ARHGAP29: variants seen among roughly 807,000 people sequenced by gnomAD.
The protein encoded by ARHGAP29 is Rho GTPase activating protein 29, also known as rho GTPase-activating protein 29.
In ARHGAP29, 43 loss-of-function variants were observed where a neutral mutation model predicts 122.6. The observed-to-expected ratio is 0.35, with a 90% CI of 0.27 to 0.45. The LOEUF (loss-of-function observed/expected upper bound fraction) is 0.45, where lower values mean the gene tolerates loss of function less well. ARHGAP29 is among the 20% of genes least tolerant of loss of function. ARHGAP29 has a pLI of 1.00. For missense variants in ARHGAP29, 1,303 were observed against 1,477.2 expected (o/e 0.88, Z 1.93); for synonymous variants, 506 against 497.1 (o/e 1.02, Z -0.24).
chr1:94,248,227 A>G (rs890447356), intron 1 of ARHGAP29: 4 of 152,238 alleles, frequency 2.6e-5, no homozygotes, highest in African/African-American at 7.2e-5. Context: ...TACTCAAAAC[A>G]TCAGCTATTA....
At chr1:94,271,482 C>A (rs372459816) in intron 1 of ARHGAP29, among the ~76,000 whole-genome samples, 8 of 152,128 alleles carry the variant, frequency 5.3e-5, no homozygotes, top group South Asian at 2.1e-4. Flanking sequence ...TCTATTGCTT[C>A]ATTTTTGTTT....
intron 1 of ARHGAP29, 64 bp downstream of exon 1, chr1:94,237,351 G>A (rs951313167): frequency 2.8e-5 from 27 of 971,872 alleles, no homozygotes; most frequent in African/African-American, 2.1e-4. Context: ...GCGCTCGCGC[G>A]GGCAACCCCA....
At chr1:94,196,256 CTTTTTTTTTTT>C (rs917635883) in intron 12 of ARHGAP29, among the ~76,000 whole-genome samples, 12 of 91,148 alleles carry the variant, frequency 1.3e-4, no homozygotes, top group Non-Finnish European at 2.1e-4. Flanking sequence ...CCGTGTTTTT[CTTTTTTTTTTT>C]TTTTTTTTTT....
chr1:94,251,128 A>C (rs1654066336), intron 1 of ARHGAP29, among the ~76,000 whole-genome samples: 1 of 151,600 alleles, frequency 6.6e-6, no homozygotes, highest in Admixed American at 6.6e-5. Flanking sequence ...TTCATAAATT[A>C]TTCAGTCCTC....
upstream of ARHGAP29, among the ~76,000 whole-genome samples, chr1:94,279,431 G>A (rs1390075123): frequency 2.0e-5 from 3 of 152,138 alleles, no homozygotes; most frequent in African/African-American, 7.2e-5. Flanking sequence ...TGACTCCCAA[G>A]AGGTGGCACT....
At chr1:94,206,990 G>A (rs1249226426) in intron 5 of ARHGAP29, among the ~76,000 whole-genome samples, 2 of 148,014 alleles carry the variant, frequency 1.4e-5, no homozygotes, top group East Asian at 4.0e-4. Context: ...GAGAGAGAGA[G>A]AAGGAGCAAC....
chr1:94,292,420 G>A, the ARHGAP29 span, among the ~76,000 whole-genome samples: 21 of 152,266 alleles, frequency 1.4e-4, no homozygotes, highest in East Asian at 3.9e-3. Flanking sequence ...GCTCGGAGAA[G>A]TTTGTTATTA....
intron 3 of ARHGAP29, among the ~76,000 whole-genome samples, chr1:94,215,442 T>C (rs1414411575): frequency 6.6e-6 from 1 of 151,748 alleles, no homozygotes; most frequent in Non-Finnish European, 1.5e-5. Context: ...ATAAAAACTA[T>C]AATAAAAACA....
chr1:94,229,686 C>T (rs906894652), intron 2 of ARHGAP29, among the ~76,000 whole-genome samples: 2 of 151,006 alleles, frequency 1.3e-5, no homozygotes, highest in Non-Finnish European at 3.0e-5. Context: ...TATGTATTTC[C>T]ATACATATCC....
chr1:94,214,456 T>C (rs1289719999), intron 3 of ARHGAP29, among the ~76,000 whole-genome samples: 1 of 152,200 alleles, frequency 6.6e-6, no homozygotes, highest in Non-Finnish European at 1.5e-5. Context: ...GCATTTCTAA[T>C]AGGCTGATAT....
chr1:94,216,672 T>C (rs1651971250), intron 3 of ARHGAP29, among the ~76,000 whole-genome samples: 2 of 152,216 alleles, frequency 1.3e-5, no homozygotes, highest in Admixed American at 6.5e-5. Flanking sequence ...CTTTTTTGTT[T>C]ACCAATTTTT....
In ARHGAP29 at chr1:94,170,685, T is replaced by C. The variant is rs748112796; in HGVS notation, c.*3184A>G. 1.3e-5 allele frequency among the ~76,000 whole-genome samples: 2 copies of C among 152,210 alleles called. No individual in the cohort carries two copies. The highest frequency in any genetic ancestry group is 2.9e-5 in the Non-Finnish European group (2 of 68,036). ...AAAAAATATTTTGGTTGGGATTACA[T>C]TGAATCTACAAATGTAAATGAACAT... On this transcript the variant is annotated 3_prime_UTR_variant, in exon 23 of 23. Coordinates refer to ENST00000260526, the MANE Select transcript of ARHGAP29 (RefSeq NM_004815.4).
intron 1 of ARHGAP29, among the ~76,000 whole-genome samples, chr1:94,251,600 G>A (rs920382744): frequency 5.9e-5 from 9 of 152,266 alleles, no homozygotes; most frequent in East Asian, 5.8e-4. Flanking sequence ...CTACCTCTGC[G>A]TCTCTGTCCT....
At chr1:94,243,809 A>C (rs1355007700) in intron 1 of ARHGAP29, among the ~76,000 whole-genome samples, 2 of 152,106 alleles carry the variant, frequency 1.3e-5, no homozygotes, top group African/African-American at 4.8e-5. Flanking sequence ...GAAATAGAGA[A>C]AACACAAATC....
chr1:94,294,109 T>A, the ARHGAP29 span, among the ~76,000 whole-genome samples: 3 of 152,172 alleles, frequency 2.0e-5, no homozygotes, highest in Non-Finnish European at 2.9e-5. Context: ...AGACCAAATA[T>A]ATGTTTCACA....
chr1:94,256,896 T>C (rs145786171), intron 1 of ARHGAP29, among the ~76,000 whole-genome samples: 1 of 152,270 alleles, frequency 6.6e-6, no homozygotes, highest in East Asian at 1.9e-4. Flanking sequence ...GTTTACTTTT[T>C]ATTTTACTTC....
At chr1:94,208,721 A>C in intron 5 of ARHGAP29, 111 bp downstream of exon 5, 1 of 1,030,204 alleles carries the variant, frequency 9.7e-7, no homozygotes, top group Admixed American at 1.9e-5. Flanking sequence ...CGGCCTCCCA[A>C]AGTGCTGGGA....
chr1:94,289,120 A>C, the ARHGAP29 span, among the ~76,000 whole-genome samples: 1 of 152,332 alleles, frequency 6.6e-6, no homozygotes, highest in East Asian at 1.9e-4. Context: ...CCTATCCATG[A>C]GTATGGAATG....
intron 15 of ARHGAP29, among the ~76,000 whole-genome samples, chr1:94,187,664 T>A (rs540862558): frequency 6.6e-6 from 1 of 152,276 alleles, no homozygotes; most frequent in Middle Eastern, 3.4e-3. Flanking sequence ...CACCCATTTA[T>A]CAGGTGATGT....
Sources: allele counts gnomAD v4.1 joint callset (sites outside exome capture counted in the v4.1 genomes callset), GRCh38; gene constraint gnomAD v4.1.1; transcripts MANE v1.5; gene names NCBI Gene and HGNC (gene_info 2026-07-23, HGNC 2026-07-21).